PEPD: variants seen among roughly 807,000 people sequenced by gnomAD.
The protein encoded by PEPD is peptidase D.
A neutral mutation model predicts 60.7 loss-of-function variants in PEPD; 53 were observed. The observed-to-expected ratio is 0.87, with a 90% CI of 0.70 to 1.10. The LOEUF (loss-of-function observed/expected upper bound fraction) is 1.10. PEPD is among the 50% of genes least tolerant of loss of function. The pLI is 0.00. For missense variants in PEPD, 711 were observed against 711.9 expected (o/e 1.00, Z 0.01); for synonymous variants, 267 against 284.1 (o/e 0.94, Z 0.60).
chr19:33,512,709 G>T lies in PEPD; in HGVS notation c.85C>A (p.Arg29Ser). Residue 29 changes from arginine (R) to serine (S), a missense_variant, in exon 2 of 15, where the codon CGC becomes AGC. Physicochemically the swap from Arg to Ser is moderately radical, Grantham distance 110 (BLOSUM62 -1). Transcript: ENST00000244137. ...PLALFALNRQRLCERLRKNPA... is the reference protein window; with the variant it reads ...PLALFALNRQSLCERLRKNPA... ...TTCTTCCGCAGCCGCTCACACAGGCGCTGCCGGTTCAAGGCAAAGAGCGCC... is the reference window on the plus strand; with the variant it reads ...TTCTTCCGCAGCCGCTCACACAGGCTCTGCCGGTTCAAGGCAAAGAGCGCC... 1.2e-6 allele frequency: 2 copies of T among 1,614,070 alleles called. No individual in the cohort carries two copies. The highest frequency in any genetic ancestry group is 1.7e-6 in the Non-Finnish European group (2 of 1,179,972).
intron 5 of PEPD, 75 bp from the exon 6 acceptor site, chr19:33,490,132 G>T (rs975508433): frequency 5.9e-6 from 6 of 1,008,430 alleles, no homozygotes; most frequent in Non-Finnish European, 9.3e-6. Flanking sequence ...GAGGCCTCCA[G>T]CTAGGCTCAG....
chr19:33,401,552 T>C (rs1968490954), intron 12 of PEPD, among the ~76,000 whole-genome samples, 169 bp downstream of exon 12: 1 of 152,208 alleles, frequency 6.6e-6, no homozygotes, highest in Non-Finnish European at 1.5e-5. Context: ...CCTTGTTTCC[T>C]AGGAGTGACC....
At chr19:33,408,801 G>T (rs944360340) in intron 11 of PEPD, among the ~76,000 whole-genome samples, 1 of 152,130 alleles carries the variant, frequency 6.6e-6, no homozygotes, top group African/African-American at 2.4e-5. Flanking sequence ...TTCATGTTGG[G>T]ATAACAGACT....
chr19:33,395,053 C>G (rs1037243425), intron 12 of PEPD: 5 of 152,270 alleles, frequency 3.3e-5, no homozygotes, highest in African/African-American at 1.2e-4. Context: ...CCCTCACCCA[C>G]TCCTGGGTGG....
intron 9 of PEPD, among the ~76,000 whole-genome samples, chr19:33,443,087 G>A (rs1969515202): frequency 6.6e-6 from 1 of 152,176 alleles, no homozygotes; most frequent in Admixed American, 6.5e-5. Context: ...ACTCCTCCCT[G>A]CTTTCTCCCC....
intron 9 of PEPD, among the ~76,000 whole-genome samples, chr19:33,433,513 A>G (rs1969314928): frequency 6.6e-6 from 1 of 152,234 alleles, no homozygotes; most frequent in Non-Finnish European, 1.5e-5. Context: ...ATGAACTGTT[A>G]GGAATTAGGT....
chr19:33,466,317 A>G (rs74358931), intron 7 of PEPD, among the ~76,000 whole-genome samples: 1,700 of 152,388 alleles, frequency 0.011, 25 homozygotes, highest in South Asian at 0.07. Flanking sequence ...AAGTAACACC[A>G]GGTAGATTAC....
chr19:33,511,076 G>A lies in PEPD; in HGVS notation c.281C>T (p.Thr94Ile). The change falls in exon 3 of 15, where the codon ACC becomes ATC. Residue 94 changes from threonine to isoleucine, a missense_variant. By Grantham distance (89) the Thr-to-Ile change is moderately conservative. Coordinates refer to ENST00000244137, the MANE Select transcript of PEPD (RefSeq NM_000285.4). The stretch of plus-strand genomic sequence containing the variant: ...GGCAGGAAGCCTGGGCACAAACAGG[G>A]TCGACTTCCCAGTGTCAACATCGAT... ...GVIDVDTGKS[T>I]LFVPRLPASH... 1.9e-6 allele frequency: 3 copies of A among 1,614,062 alleles called. No homozygotes were observed. Among genetic ancestry groups the A allele is most frequent in the Non-Finnish European group, 1.7e-6 (2 of 1,179,986 alleles).
chr19:33,458,641 G>A (rs1476889313), intron 9 of PEPD, among the ~76,000 whole-genome samples: 1 of 143,084 alleles, frequency 7.0e-6, no homozygotes, highest in Non-Finnish European at 1.5e-5. Context: ...TGGCGTGTGT[G>A]TTGTGTGTGG....
intron 9 of PEPD, among the ~76,000 whole-genome samples, chr19:33,444,510 G>T (rs977194646): frequency 1.3e-5 from 2 of 151,158 alleles, no homozygotes; most frequent in African/African-American, 4.9e-5. Context: ...GCCACTGGGT[G>T]GTGGGGACTC....
At chr19:33,434,154 C>T (rs1019737098) in intron 9 of PEPD, among the ~76,000 whole-genome samples, 6 of 152,154 alleles carry the variant, frequency 3.9e-5, no homozygotes, top group Non-Finnish European at 8.8e-5. Context: ...TCACTTTCAG[C>T]GCTGTTCGTG....
chr19:33,445,971 T>C (rs1426522897), intron 9 of PEPD, among the ~76,000 whole-genome samples: 4 of 152,162 alleles, frequency 2.6e-5, no homozygotes, highest in Admixed American at 1.3e-4. Context: ...CTAGCCTGCC[T>C]GCCCCTGCCC....
At chr19:33,398,093 C>T (rs970629272) in intron 12 of PEPD, among the ~76,000 whole-genome samples, 1 of 152,186 alleles carries the variant, frequency 6.6e-6, no homozygotes, top group East Asian at 1.9e-4. Context: ...GCTTTCCCAC[C>T]GAACACCCCC....
chr19:33,467,114 G>C (rs887559858), intron 7 of PEPD, among the ~76,000 whole-genome samples: 9 of 149,400 alleles, frequency 6.0e-5, no homozygotes, highest in Admixed American at 1.3e-4. Context: ...CCGAGATCAC[G>C]CCACTGCACT....
At chr19:33,391,536 G>A in intron 12 of PEPD, 57 bp from the exon 13 acceptor site, 1 of 1,462,616 alleles carries the variant, frequency 6.8e-7, no homozygotes, top group Non-Finnish European at 9.3e-7. Context: ...ACACCGCAGG[G>A]CCAGGGGCTG....
chr19:33,389,396 G>A (rs1968159651), intron 13 of PEPD, among the ~76,000 whole-genome samples: 1 of 152,218 alleles, frequency 6.6e-6, no homozygotes, highest in Non-Finnish European at 1.5e-5. Flanking sequence ...AGGTGCATGT[G>A]GACCGAGCTG....
At chr19:33,427,343 C>T (rs764303498) in intron 9 of PEPD, among the ~76,000 whole-genome samples, 3 of 152,236 alleles carry the variant, frequency 2.0e-5, no homozygotes, top group Non-Finnish European at 2.9e-5. Flanking sequence ...CCTCAGCACC[C>T]TCTCGTGCCA....
At chr19:33,428,036 A>G (rs1282855059) in intron 9 of PEPD, among the ~76,000 whole-genome samples, 1 of 152,020 alleles carries the variant, frequency 6.6e-6, no homozygotes, top group Non-Finnish European at 1.5e-5. Context: ...CCCACCTTGT[A>G]AGAGACACGC....
At chr19:33,476,573 G>A (rs1314843917) in intron 7 of PEPD, among the ~76,000 whole-genome samples, 2 of 152,220 alleles carry the variant, frequency 1.3e-5, no homozygotes, top group East Asian at 1.9e-4. Flanking sequence ...ACTGCCAGCT[G>A]GACCCCTGCA....
Sources: gnomAD v4.1 joint callset for allele counts (sites outside exome capture counted in the v4.1 genomes callset) on GRCh38, gnomAD v4.1.1 for gene constraint, MANE v1.5 for transcripts, NCBI Gene and HGNC (gene_info 2026-07-23, HGNC 2026-07-21) for gene names.